The following ZNF90 variants were observed in gnomAD, a reference collection of about 807,000 sequenced individuals.
The protein encoded by ZNF90 is zinc finger protein HTF9.
In ZNF90, 11 loss-of-function variants were observed where a neutral mutation model predicts 12.0. That is an observed-to-expected ratio of 0.92 (90% CI 0.58 to 1.52). ZNF90 has a LOEUF of 1.52. Among genes scored for constraint, ZNF90 ranks in the 40% most tolerant of loss-of-function variants. The pLI, the probability that ZNF90 is intolerant of heterozygous loss-of-function variation, is 0.00. For missense variants in ZNF90, 765 were observed against 711.5 expected (o/e 1.08, Z -0.86); for synonymous variants, 232 against 240.1 (o/e 0.97, Z 0.31).
At chr19:20,093,699 C>T (rs1002539971) in intron 1 of ZNF90, among the ~76,000 whole-genome samples, 4 of 152,116 alleles carry the variant, frequency 2.6e-5, no homozygotes, top group Admixed American at 1.3e-4. Context: ...GAAGCTTGGC[C>T]GTCAATACTC....
Position 20,105,303 on chromosome 19 carries a change from T to C in ZNF90, c.213T>C (p.Ile71=), listed in dbSNP as rs782670028. The C allele has an allele frequency of 1.2e-6, 2 of 1,606,106 alleles. No homozygotes were observed. The highest frequency in any genetic ancestry group is 1.3e-5 in the African/African-American group (1 of 74,720). ...TCACTGTGAAGAGACATGAGATGAT[T>C]GCCAAATCCCCAGGTAGGTGCGAGT... ...KPFTVKRHEM[I]AKSPVMCFHF... Residue 71 remains isoleucine, a synonymous_variant, in exon 3 of 4, where the codon ATT becomes ATC. Transcript: ENST00000418063.
intron 3 of ZNF90, among the ~76,000 whole-genome samples, chr19:20,113,038 G>A (rs527794146): frequency 6.6e-6 from 1 of 152,264 alleles, no homozygotes; most frequent in African/African-American, 2.4e-5. Context: ...TTAAGACAGT[G>A]TGGAGCAAAA....
chr19:20,093,666 G>A (rs57876402), intron 1 of ZNF90, among the ~76,000 whole-genome samples: 201 of 152,294 alleles, frequency 1.3e-3, no homozygotes, highest in African/African-American at 4.7e-3. Context: ...TGGCACCAGA[G>A]TGGGGGAGTT....
chr19:20,082,487 A>G lies in ZNF90; in HGVS notation c.3+4352A>G, dbSNP rs113561406. Among the ~76,000 whole-genome samples, 15 of 152,332 alleles carry G rather than the reference A, an allele frequency of 9.8e-5. 1 individual carries two copies. The highest frequency in any genetic ancestry group is 2.9e-4 in the African/African-American group (12 of 41,570). ...ACCCTACCCGCTACCCTGTGCTTGC[A>G]GGAACATGTGCTGTGTCCACTCAAG... On this transcript the variant is annotated intron_variant, in intron 1 of 3. Coordinates refer to ENST00000418063, the MANE Select transcript of ZNF90 (RefSeq NM_007138.2).
chr19:20,110,472 G>A (rs970132856), intron 3 of ZNF90, among the ~76,000 whole-genome samples: 1 of 152,014 alleles, frequency 6.6e-6, no homozygotes, highest in Admixed American at 6.6e-5. Flanking sequence ...TAGAGACGGG[G>A]CCAGGCTGGT....
chr19:20,115,269 CTTT>C (rs1266251401), intron 3 of ZNF90, among the ~76,000 whole-genome samples: 1 of 151,952 alleles, frequency 6.6e-6, no homozygotes, highest in African/African-American at 2.4e-5. Flanking sequence ...TTTTAATAAA[CTTT>C]TTTATTGAAA....
chr19:20,096,402 TGA>T (rs1455167434), intron 1 of ZNF90, among the ~76,000 whole-genome samples: 1 of 152,054 alleles, frequency 6.6e-6, no homozygotes, highest in Non-Finnish European at 1.5e-5. Flanking sequence ...TTTAATCACC[TGA>T]GTGCAGGTGG....
At chr19:20,103,401 C>A (rs2089005809) in intron 1 of ZNF90, among the ~76,000 whole-genome samples, 1 of 152,152 alleles carries the variant, frequency 6.6e-6, no homozygotes. Flanking sequence ...AGCTTTCTTC[C>A]CAACCCTCAA....
chr19:20,079,084 G>C (rs61607408), intron 1 of ZNF90, among the ~76,000 whole-genome samples: 2,730 of 141,276 alleles, frequency 0.019, 85 homozygotes, highest in African/African-American at 0.07. Context: ...CCTCCATCGC[G>C]CTCCAGCATG....
At chr19:20,104,392 A>G (rs1555704182) in intron 2 of ZNF90, 27 bp downstream of exon 2, 1 of 1,597,756 alleles carries the variant, frequency 6.3e-7, no homozygotes, top group East Asian at 2.2e-5. Flanking sequence ...TACATAATTC[A>G]TAATATACCC....
chr19:20,087,114 A>C (rs1441243389), intron 1 of ZNF90: 1 of 152,234 alleles, frequency 6.6e-6, no homozygotes, highest in East Asian at 1.9e-4. Flanking sequence ...GAAACTTTAT[A>C]AAATTATTCT....
intron 1 of ZNF90, among the ~76,000 whole-genome samples, chr19:20,092,747 A>G (rs1555702862): frequency 1.3e-5 from 2 of 152,214 alleles, no homozygotes; most frequent in African/African-American, 4.8e-5. Flanking sequence ...CTTATGAAGA[A>G]TTATGCCGAG....
intron 3 of ZNF90, among the ~76,000 whole-genome samples, chr19:20,112,122 G>T (rs2089094919): frequency 6.6e-6 from 1 of 152,010 alleles, no homozygotes; most frequent in African/African-American, 2.4e-5. Flanking sequence ...CTCCCAAAGT[G>T]CTGGGATTAC....
chr19:20,118,725 C>T lies in ZNF90; in HGVS notation c.1171C>T (p.His391Tyr), dbSNP rs2089167447. The T allele has an allele frequency of 6.2e-7, 1 of 1,608,286 alleles. No individual in the cohort carries two copies. Among genetic ancestry groups the T allele is most frequent in the African/African-American group, 1.3e-5 (1 of 74,816 alleles). Reference sequence around the variant, plus strand: ...ACTCCTTTATAAACATAAGATAAGTCATAGTGAAAAGAAACCCTACAAATG... The same window carrying T: ...ACTCCTTTATAAACATAAGATAAGTTATAGTGAAAAGAAACCCTACAAATG... ...SSLLYKHKIS[H>Y]SEKKPYKCEE... is the part of the protein sequence containing the mutation. Residue 391 changes from histidine (H) to tyrosine (Y), a missense_variant, in exon 4 of 4, where the codon CAT becomes TAT. His to Tyr is a moderately conservative substitution (Grantham distance 83, BLOSUM62 2). Transcript: ENST00000418063.
At chr19:20,103,439 A>G (rs1451211466) in intron 1 of ZNF90, among the ~76,000 whole-genome samples, 1 of 152,200 alleles carries the variant, frequency 6.6e-6, no homozygotes, top group African/African-American at 2.4e-5. Flanking sequence ...ATATTTCAAC[A>G]GTGATGCTGT....
chr19:20,110,598 G>A (rs1338278646), intron 3 of ZNF90, among the ~76,000 whole-genome samples: 3 of 152,142 alleles, frequency 2.0e-5, no homozygotes, highest in Non-Finnish European at 4.4e-5. Context: ...ATTTCTAAAT[G>A]AGGAACATTT....
At chr19:20,080,209 C>A (rs889972874) in intron 1 of ZNF90, 2 of 563,242 alleles carry the variant, frequency 3.6e-6, no homozygotes, top group East Asian at 4.6e-5. Context: ...CTAGTACCAC[C>A]GTCCTGACGG....
chr19:20,120,460 A>G lies in ZNF90; in HGVS notation c.*1100A>G, dbSNP rs143600607. 6.6e-6 allele frequency among the ~76,000 whole-genome samples: 1 copy of G among 152,328 alleles called. No homozygotes were observed. The highest frequency in any genetic ancestry group is 2.4e-5 in the African/African-American group (1 of 41,578). ...GAAGCAGTTGCTCCAGCTTTGTTCA[A>G]CAACAGGGAATTTATGTTAGAGAAG... On this transcript the variant is annotated 3_prime_UTR_variant, in exon 4 of 4. Coordinates refer to ENST00000418063, the MANE Select transcript of ZNF90 (RefSeq NM_007138.2).
intron 3 of ZNF90, among the ~76,000 whole-genome samples, chr19:20,117,332 G>C (rs1292183159): frequency 3.9e-5 from 6 of 151,920 alleles, no homozygotes; most frequent in Non-Finnish European, 7.4e-5. Context: ...GCATGAGCCT[G>C]GGTGGAAATT....
Sources: allele counts gnomAD v4.1 joint callset (sites outside exome capture counted in the v4.1 genomes callset), GRCh38; gene constraint gnomAD v4.1.1; transcripts MANE v1.5; gene names NCBI Gene and HGNC (gene_info 2026-07-23, HGNC 2026-07-21).